The following KIAA1217 variants were observed in gnomAD, a reference collection of about 807,000 sequenced individuals.
KIAA1217 encodes sickle tail protein homolog.
A neutral mutation model predicts 163.9 loss-of-function variants in KIAA1217; 88 were observed. The ratio of observed to expected loss-of-function variants is 0.54; its 90% CI spans 0.45 to 0.64. KIAA1217 has a LOEUF of 0.64. KIAA1217 is among the 30% of genes least tolerant of loss of function. The pLI is 0.00. For missense variants in KIAA1217, 2,372 were observed against 2,475.0 expected, an observed-to-expected ratio of 0.96 and a Z score of 0.88; for synonymous variants, 903 against 923.1, an observed-to-expected ratio of 0.98 and a Z score of 0.39.
intron 1 of KIAA1217, among the ~76,000 whole-genome samples, chr10:23,771,030 G>C (rs1347035852): frequency 6.6e-6 from 1 of 152,130 alleles, no homozygotes; most frequent in Non-Finnish European, 1.5e-5. Context: ...AAGTCATCAA[G>C]ATCTTGGAAG....
chr10:24,135,433 G>A (rs974185219), intron 2 of KIAA1217, among the ~76,000 whole-genome samples: 2 of 152,000 alleles, frequency 1.3e-5, no homozygotes, highest in Admixed American at 1.3e-4. Context: ...TGGGATTGGC[G>A]TGGGGACTGG....
chr10:24,371,276 A>T (rs1460571219), intron 2 of KIAA1217, among the ~76,000 whole-genome samples: 1 of 152,174 alleles, frequency 6.6e-6, no homozygotes, highest in Non-Finnish European at 1.5e-5. Flanking sequence ...AAGGCAACAG[A>T]TTTAGCAGCT....
At chr10:23,911,974 G>C (rs1257035216) in intron 1 of KIAA1217, among the ~76,000 whole-genome samples, 3 of 152,150 alleles carry the variant, frequency 2.0e-5, no homozygotes, top group African/African-American at 7.2e-5. Flanking sequence ...TGTGGCATCA[G>C]CGTAGGAGGC....
In KIAA1217 at chr10:24,200,446, C is replaced by A. The variant is rs181853057; in HGVS notation, c.-170-19180C>A. The stretch of plus-strand genomic sequence containing the variant: ...AAGACTACAGACAAGAGTCACCAAG[C>A]CACCATGCCACTGAGCCACTGTGCC... On this transcript the variant is annotated intron_variant, in intron 2 of 18. Transcript: ENST00000376462. 2.7e-3 allele frequency among the ~76,000 whole-genome samples: 404 copies of A among 152,234 alleles called. 2 individuals carry two copies. The highest frequency in any genetic ancestry group is 3.4e-3 in the Non-Finnish European group (233 of 67,992).
chr10:24,092,560 A>G (rs921327625), intron 2 of KIAA1217, among the ~76,000 whole-genome samples: 1 of 151,874 alleles, frequency 6.6e-6, no homozygotes, highest in African/African-American at 2.4e-5. Flanking sequence ...ACCATGGAAC[A>G]CTACTCAACA....
chr10:23,810,971 TTATATACTATAGTA>T (rs1837010247), intron 1 of KIAA1217, among the ~76,000 whole-genome samples: 1 of 118,718 alleles, frequency 8.4e-6, no homozygotes, highest in Non-Finnish European at 1.6e-5. Flanking sequence ...ATAGTATATA[TTATATACTATAGTA>T]TATATACTAT....
intron 2 of KIAA1217, among the ~76,000 whole-genome samples, chr10:24,164,461 G>C (rs1309157576): frequency 6.6e-6 from 1 of 152,190 alleles, no homozygotes; most frequent in Non-Finnish European, 1.5e-5. Context: ...AGTGTAAGCT[G>C]TCTGAGAGAG....
At chr10:23,785,309 A>G (rs896909070) in intron 1 of KIAA1217, among the ~76,000 whole-genome samples, 4 of 152,170 alleles carry the variant, frequency 2.6e-5, no homozygotes, top group Non-Finnish European at 4.4e-5. Context: ...TTAGGAGTCA[A>G]CTGCTCTGTG....
chr10:23,846,786 TGA>T (rs1839053182), intron 1 of KIAA1217, among the ~76,000 whole-genome samples: 1 of 152,138 alleles, frequency 6.6e-6, no homozygotes, highest in African/African-American at 2.4e-5. Flanking sequence ...ATAGGAGTGG[TGA>T]GAGAGGTCAT....
At chr10:24,315,929 T>TG (rs11350159) in intron 2 of KIAA1217, among the ~76,000 whole-genome samples, 29,033 of 140,542 alleles carry the variant, frequency 0.21, 3,093 homozygotes, top group East Asian at 0.43. Context: ...TTTTATCTAA[T>TG]GGGGGGGGGG....
chr10:23,828,327 A>G (rs1214186267), intron 1 of KIAA1217, among the ~76,000 whole-genome samples: 1 of 152,136 alleles, frequency 6.6e-6, no homozygotes, highest in African/African-American at 2.4e-5. Flanking sequence ...GCAATAGCAG[A>G]TGGAGTAGGG....
At chr10:24,174,624 A>T (rs983701871) in intron 2 of KIAA1217, among the ~76,000 whole-genome samples, 4 of 152,168 alleles carry the variant, frequency 2.6e-5, no homozygotes, top group Non-Finnish European at 5.9e-5. Context: ...GAGAAAATAA[A>T]TGTCTCTTGT....
intron 9 of KIAA1217, 131 bp from the exon 10 acceptor site, chr10:24,513,128 T>G: frequency 1.2e-6 from 1 of 834,108 alleles, no homozygotes; most frequent in Non-Finnish European, 1.9e-6. Context: ...TCCCTTTCCT[T>G]TCTCATTGAA....
chr10:23,710,586 C>G (rs964035075), intron 1 of KIAA1217, among the ~76,000 whole-genome samples: 1 of 152,162 alleles, frequency 6.6e-6, no homozygotes, highest in African/African-American at 2.4e-5. Flanking sequence ...TATGCTGATA[C>G]AAAGTTGAAA....
intron 2 of KIAA1217, among the ~76,000 whole-genome samples, chr10:24,008,433 G>A (rs1589226916): frequency 6.6e-6 from 1 of 152,106 alleles, no homozygotes; most frequent in African/African-American, 2.4e-5. Flanking sequence ...CCTGAGTGAC[G>A]GTAGAAAGTT....
intron 1 of KIAA1217, among the ~76,000 whole-genome samples, chr10:24,215,933 T>C (rs1159941936): frequency 1.3e-5 from 2 of 152,344 alleles, no homozygotes; most frequent in South Asian, 2.1e-4. Context: ...GGCAATCCGA[T>C]GTTTGCCAAG....
intron 1 of KIAA1217, among the ~76,000 whole-genome samples, chr10:24,003,572 G>A (rs1846851917): frequency 6.6e-6 from 1 of 152,066 alleles, no homozygotes; most frequent in African/African-American, 2.4e-5. Flanking sequence ...TCTATCTATT[G>A]TATGCAGCCA....
chr10:24,404,894 G>C (rs1172874112), intron 3 of KIAA1217, among the ~76,000 whole-genome samples: 1 of 152,202 alleles, frequency 6.6e-6, no homozygotes, highest in Non-Finnish European at 1.5e-5. Context: ...TTTACATACT[G>C]TACCATTCCA....
chr10:24,006,652 A>G (rs1847012507), intron 1 of KIAA1217, among the ~76,000 whole-genome samples: 1 of 152,112 alleles, frequency 6.6e-6, no homozygotes, highest in Non-Finnish European at 1.5e-5. Context: ...TTCCATTTAG[A>G]CAGAAACCTT....
Sources: gnomAD v4.1 joint callset for allele counts (sites outside exome capture counted in the v4.1 genomes callset) on GRCh38, gnomAD v4.1.1 for gene constraint, MANE v1.5 for transcripts, NCBI Gene and HGNC (gene_info 2026-07-23, HGNC 2026-07-21) for gene names.